Variants in NFIA observed in about 807,000 individuals in gnomAD.
The protein encoded by NFIA is nuclear factor I A, also known as nuclear factor 1 A-type.
Under a neutral mutation model 62.8 loss-of-function variants are expected in NFIA, and 8 were observed. The observed-to-expected ratio is 0.13, with a 90% CI of 0.07 to 0.23. NFIA has a LOEUF of 0.23. Ranked by LOEUF, NFIA falls within the 10% of genes least tolerant of loss-of-function variation. NFIA has a pLI of 1.00. For synonymous variants in NFIA, 235 were observed against 238.1 expected, an observed-to-expected ratio of 0.99 and a Z score of 0.12; for missense variants, 410 against 642.1, an observed-to-expected ratio of 0.64 and a Z score of 3.91.
intron 9 of NFIA, among the ~76,000 whole-genome samples, chr1:61,409,354 A>G (rs1326940497): frequency 6.6e-6 from 1 of 152,220 alleles, no homozygotes; most frequent in African/African-American, 2.4e-5. Context: ...TGATGAATTC[A>G]TAGTAATATG....
chr1:61,441,888 C>T (rs1667599148), intron 10 of NFIA, among the ~76,000 whole-genome samples: 1 of 151,642 alleles, frequency 6.6e-6, no homozygotes, highest in Non-Finnish European at 1.5e-5. Context: ...CTTCACACCA[C>T]CCCCCTGTTA....
chr1:61,432,443 T>A (rs1381746145), intron 10 of NFIA, among the ~76,000 whole-genome samples: 1 of 151,958 alleles, frequency 6.6e-6, no homozygotes, highest in Non-Finnish European at 1.5e-5. Flanking sequence ...TGCATTTCAG[T>A]TAGCTGACGC....
chr1:61,311,946 C>CA (rs2100350945), intron 3 of NFIA, among the ~76,000 whole-genome samples: 1 of 152,312 alleles, frequency 6.6e-6, no homozygotes, highest in South Asian at 2.1e-4. Flanking sequence ...ATCACCTTTG[C>CA]AGTCATAGGC....
chr1:61,352,281 CTATTTT>C (rs1662584212), intron 4 of NFIA, among the ~76,000 whole-genome samples, 163 bp from the exon 5 acceptor site: 1 of 152,088 alleles, frequency 6.6e-6, no homozygotes, highest in African/African-American at 2.4e-5. Flanking sequence ...CCTGTATAGA[CTATTTT>C]TAGTCAATAT....
intron 2 of NFIA, among the ~76,000 whole-genome samples, chr1:61,215,637 G>A (rs952851648): frequency 6.6e-6 from 1 of 152,092 alleles, no homozygotes; most frequent in East Asian, 1.9e-4. Context: ...AAGTAAATGA[G>A]ATAAGCCAAT....
At chr1:61,357,757 C>T (rs1663041136) in intron 5 of NFIA, among the ~76,000 whole-genome samples, 1 of 152,122 alleles carries the variant, frequency 6.6e-6, no homozygotes, top group African/African-American at 2.4e-5. Context: ...GTAGGATGCG[C>T]ACAGTAGGTA....
intron 2 of NFIA, among the ~76,000 whole-genome samples, chr1:61,179,304 G>C (rs1650597131): frequency 6.6e-6 from 1 of 152,206 alleles, no homozygotes; most frequent in Non-Finnish European, 1.5e-5. Flanking sequence ...AGACAGGAGA[G>C]GAGGCAGTGA....
At chr1:61,086,801 TG>T (rs1424288016) in intron 1 of NFIA, among the ~76,000 whole-genome samples, 1 of 152,194 alleles carries the variant, frequency 6.6e-6, no homozygotes. Flanking sequence ...AATAATATTC[TG>T]GACATTACTG....
intron 2 of NFIA, among the ~76,000 whole-genome samples, chr1:61,153,756 C>A (rs1648590392): frequency 6.6e-6 from 1 of 152,142 alleles, no homozygotes; most frequent in South Asian, 2.1e-4. Flanking sequence ...TTAGTTTATT[C>A]TTTTATGAGT....
intron 2 of NFIA, among the ~76,000 whole-genome samples, chr1:61,192,899 A>G (rs1288380078): frequency 1.3e-5 from 2 of 152,130 alleles, no homozygotes; most frequent in Non-Finnish European, 2.9e-5. Context: ...TAGATGACCA[A>G]CATTCCGAGG....
chr1:61,294,632 C>T (rs141746700), intron 3 of NFIA, among the ~76,000 whole-genome samples: 78 of 152,186 alleles, frequency 5.1e-4, no homozygotes, highest in African/African-American at 1.1e-3. Context: ...AAGTGGATTG[C>T]GAACTCCATG....
intron 8 of NFIA, among the ~76,000 whole-genome samples, chr1:61,406,081 G>A (rs1289375006): frequency 2.0e-5 from 3 of 152,028 alleles, no homozygotes; most frequent in African/African-American, 7.2e-5. Context: ...TATCTCAAGT[G>A]CATATTTAGG....
intron 2 of NFIA, among the ~76,000 whole-genome samples, chr1:61,171,942 G>A (rs796681729): frequency 3.9e-5 from 6 of 152,302 alleles, no homozygotes; most frequent in African/African-American, 1.4e-4. Flanking sequence ...GTCACTGAGT[G>A]CAGAGAAAGG....
intron 10 of NFIA, among the ~76,000 whole-genome samples, chr1:61,449,492 A>G (rs1237843262): frequency 6.6e-6 from 1 of 152,248 alleles, no homozygotes; most frequent in Non-Finnish European, 1.5e-5. Flanking sequence ...GCCCCAAGAA[A>G]GACCCCTCTG....
At chr1:61,343,174 G>GTA (rs955299973) in intron 4 of NFIA, among the ~76,000 whole-genome samples, 1 of 152,132 alleles carries the variant, frequency 6.6e-6, no homozygotes, top group African/African-American at 2.4e-5. Context: ...CCTCTACAGG[G>GTA]TATATATTTA....
intron 10 of NFIA, among the ~76,000 whole-genome samples, chr1:61,449,313 C>T (rs747086019): frequency 1.3e-5 from 2 of 152,198 alleles, no homozygotes; most frequent in Non-Finnish European, 2.9e-5. Context: ...TGACTGACAC[C>T]AGGCTTTGGT....
chr1:61,130,935 A>G (rs1647061315), intron 2 of NFIA, among the ~76,000 whole-genome samples: 1 of 152,200 alleles, frequency 6.6e-6, no homozygotes, highest in South Asian at 2.1e-4. Context: ...CAGATTCATA[A>G]GACGTTTCTT....
intron 2 of NFIA, among the ~76,000 whole-genome samples, chr1:61,266,543 A>C (rs1388140696): frequency 1.3e-5 from 2 of 151,904 alleles, no homozygotes; most frequent in Non-Finnish European, 1.5e-5. Flanking sequence ...GATTACAGGC[A>C]TGCTCCACCA....
chr1:61,094,047 A>G (rs1393276879), intron 2 of NFIA, among the ~76,000 whole-genome samples: 1 of 152,242 alleles, frequency 6.6e-6, no homozygotes. Flanking sequence ...ACAAATGTCA[A>G]TATAGATTTT....
Sources: gnomAD v4.1 joint callset for allele counts (sites outside exome capture counted in the v4.1 genomes callset) on GRCh38, gnomAD v4.1.1 for gene constraint, MANE v1.5 for transcripts, NCBI Gene and HGNC (gene_info 2026-07-23, HGNC 2026-07-21) for gene names.